The following FRYL variants were observed in gnomAD, a reference collection of about 807,000 sequenced individuals.
The protein encoded by FRYL is FRY like transcription coactivator, also known as protein furry homolog-like.
FRYL carries 150 observed loss-of-function variants against 351.2 expected under a neutral mutation model. That is an observed-to-expected ratio of 0.43 (90% CI 0.37 to 0.49). FRYL has a LOEUF of 0.49. Among genes scored for constraint, FRYL ranks in the 20% least tolerant of loss-of-function variants. FRYL has a pLI of 0.00. For synonymous variants in FRYL, 1,153 were observed against 1,257.1 expected (o/e 0.92, Z 1.75); for missense variants, 3,036 against 3,619.3 (o/e 0.84, Z 4.13).
At chr4:48,603,456 A>G (rs1746093614) in intron 11 of FRYL, 68 bp from the exon 12 acceptor site, 2 of 1,032,236 alleles carry the variant, frequency 1.9e-6, no homozygotes, top group Non-Finnish European at 3.0e-6. Context: ...AAAGAATACA[A>G]GAACTTTCTG....
intron 26 of FRYL, among the ~76,000 whole-genome samples, chr4:48,572,928 C>A (rs544355379): frequency 2.2e-4 from 34 of 152,212 alleles, no homozygotes; most frequent in African/African-American, 8.2e-4. Flanking sequence ...AAAATATTTA[C>A]CATCCGGTCC....
rs1487713159 is a variant in FRYL, at chr4:48,521,075, T to A, written c.7662A>T (p.Leu2554=). The change falls in exon 55 of 64, where the codon CTA becomes CTT. Residue 2554 remains leucine, a synonymous_variant. Coordinates refer to ENST00000358350, the MANE Select transcript of FRYL (RefSeq NM_015030.2). ...RDETPTLEAS[L]DNANSRLPED... ...CAGGCAGCCGGCTGTTAGCATTATC[T>A]AGAGAAGCCTCCAAAGTTGGGGTCT... 1 of 1,613,218 alleles carries A rather than the reference T, an allele frequency of 6.2e-7. No individual in the cohort carries two copies. The highest frequency in any genetic ancestry group is 8.5e-7 in the Non-Finnish European group (1 of 1,179,574).
chr4:48,657,098 C>G (rs1759378594), intron 3 of FRYL, among the ~76,000 whole-genome samples: 1 of 152,138 alleles, frequency 6.6e-6, no homozygotes, highest in South Asian at 2.1e-4. Context: ...ATGCATGCAA[C>G]CAAACCTTTT....
chr4:48,544,828 T>C lies in FRYL; in HGVS notation c.5356A>G (p.Thr1786Ala), dbSNP rs1228783824. 1 of 1,608,326 alleles carries C rather than the reference T, an allele frequency of 6.2e-7. No individual in the cohort carries two copies. The change falls in exon 43 of 64, where the codon ACA becomes GCA. Residue 1786 changes from threonine (T) to alanine (A), a missense_variant. By Grantham distance (58) the Thr-to-Ala change is moderately conservative (BLOSUM62 0). This residue lies in a region of FRYL where 1,987 missense variants were observed against 2,311.7 expected (regional missense o/e 0.86). Coordinates refer to ENST00000358350, the MANE Select transcript of FRYL (RefSeq NM_015030.2). ...ACAGAAACCACATGTTTCAAAAATG[T>C]AGTTAACTGTTCAGCACTCTTTATG... ...PSIKSAEQLT[T>A]FLKHVVSVFK...
rs527821414 is a variant in FRYL, at chr4:48,726,080, A to G, written c.-383-15382T>C. Among the ~76,000 whole-genome samples the G allele has an allele frequency of 6.6e-5, 10 of 152,274 alleles. No homozygotes were observed. In the South Asian group the frequency reaches 1.9e-3, roughly 28 times the overall value. ...ATAATGACCTTGAAATTCTTAACAA[A>G]GATGTGAAAGGCAAAACTACTTGCT... On this transcript the variant is annotated intron_variant, in intron 1 of 63. Coordinates refer to ENST00000358350, the MANE Select transcript of FRYL (RefSeq NM_015030.2).
intron 3 of FRYL, among the ~76,000 whole-genome samples, chr4:48,652,672 A>G (rs1370365837): frequency 6.6e-6 from 1 of 152,230 alleles, no homozygotes; most frequent in Non-Finnish European, 1.5e-5. Context: ...ATAAGACTTT[A>G]TCTTAAGAGG....
At chr4:48,577,050 TA>T (rs1374544669) in intron 23 of FRYL, among the ~76,000 whole-genome samples, 1 of 152,188 alleles carries the variant, frequency 6.6e-6, no homozygotes, top group Non-Finnish European at 1.5e-5. Context: ...TAAAGTATCA[TA>T]TTTTATATAA....
intron 3 of FRYL, among the ~76,000 whole-genome samples, chr4:48,677,311 C>T (rs1257218739): frequency 6.6e-6 from 1 of 152,070 alleles, no homozygotes; most frequent in Non-Finnish European, 1.5e-5. Context: ...CTAAGCTAGA[C>T]TTATTCTCGG....
intron 3 of FRYL, among the ~76,000 whole-genome samples, chr4:48,641,326 A>G (rs1755270175): frequency 1.3e-5 from 2 of 152,140 alleles, no homozygotes; most frequent in Admixed American, 1.3e-4. Flanking sequence ...TGTTAGTGAA[A>G]AGCATACCAG....
At chr4:48,762,579 T>C (rs570741261) in intron 1 of FRYL, among the ~76,000 whole-genome samples, 1 of 152,350 alleles carries the variant, frequency 6.6e-6, no homozygotes, top group African/African-American at 2.4e-5. Context: ...GCAAATGTCT[T>C]TGATGTAACT....
chr4:48,627,517 T>C (rs910326374), intron 4 of FRYL, among the ~76,000 whole-genome samples: 3 of 152,190 alleles, frequency 2.0e-5, no homozygotes, highest in African/African-American at 7.2e-5. Context: ...TCTGAAGATT[T>C]GACATCCTCA....
At chr4:48,509,994 T>TG (rs1171713946) in intron 59 of FRYL, 65 bp downstream of exon 59, 1 of 1,055,992 alleles carries the variant, frequency 9.5e-7, no homozygotes, top group Non-Finnish European at 1.5e-6. Context: ...GCTATTCTGC[T>TG]GCCAGGATTA....
At chr4:48,689,054 C>T (rs1560863194) in intron 2 of FRYL, among the ~76,000 whole-genome samples, 2 of 152,126 alleles carry the variant, frequency 1.3e-5, no homozygotes, top group Admixed American at 6.5e-5. Flanking sequence ...ACATGACCTG[C>T]TAAAAATGCT....
chr4:48,546,637 T>C (rs1304067819), intron 41 of FRYL: 1 of 203,060 alleles, frequency 4.9e-6, no homozygotes, highest in Non-Finnish European at 1.0e-5. Flanking sequence ...ATAGAAAATT[T>C]TCTATAATTT....
At chr4:48,699,345 A>G (rs1342966333) in intron 2 of FRYL, among the ~76,000 whole-genome samples, 1 of 152,234 alleles carries the variant, frequency 6.6e-6, no homozygotes, top group African/African-American at 2.4e-5. Context: ...TTTCATGAAA[A>G]CATAAGAGTT....
rs186604006 is a variant in FRYL, at chr4:48,649,492, T to A, written c.-80-15002A>T. ...AAATTAATATGCTTACAAGAGGTAT[T>A]ATATGGACAGCAAATGCATCTGTGA... On this transcript the variant is annotated intron_variant, in intron 3 of 63. Transcript: ENST00000358350. 3.5e-4 allele frequency among the ~76,000 whole-genome samples: 53 copies of A among 152,344 alleles called. No homozygotes were observed. In the East Asian group the frequency reaches 9.6e-3, roughly 28 times the overall value.
chr4:48,605,797 C>T lies in FRYL; in HGVS notation c.778G>A (p.Asp260Asn). 6.2e-7 allele frequency: 1 copy of T among 1,606,862 alleles called. No individual in the cohort carries two copies. Among genetic ancestry groups the T allele is most frequent in the Non-Finnish European group, 8.5e-7 (1 of 1,174,180 alleles). ...AQYFLEVKDKDIKHALAGLFV... is the reference protein window; with the variant it reads ...AQYFLEVKDKNIKHALAGLFV... ...AAACCAGCAAGTGCATGTTTTATAT[C>T]TTTATCTTTCACTTCTAAGAAATAC... The change falls in exon 11 of 64, where the codon GAT becomes AAT. Residue 260 changes from aspartate to asparagine, a missense_variant. This residue lies in a region of FRYL where 457 missense variants were observed against 566.6 expected (regional missense o/e 0.81). Coordinates refer to ENST00000358350, the MANE Select transcript of FRYL (RefSeq NM_015030.2).
At chr4:48,556,770 C>T (rs748271459) in intron 35 of FRYL, among the ~76,000 whole-genome samples, 4 of 151,744 alleles carry the variant, frequency 2.6e-5, no homozygotes, top group Admixed American at 1.3e-4. Context: ...GATTGTAATA[C>T]CCAGAAGAGC....
chr4:48,553,352 T>G lies in FRYL; in HGVS notation c.4298A>C (p.Asp1433Ala). 6.2e-7 allele frequency: 1 copy of G among 1,612,862 alleles called. No individual in the cohort carries two copies. The highest frequency in any genetic ancestry group is 1.8e-4 in the Middle Eastern group (1 of 5,578). ...VKKVIVYLGR[D>A]KTMQLLEELV... ...CTCTTCTAGCAACTGCATTGTTTTA[T>G]CTCTACCTAAATATACAATGACCTT... The change falls in exon 36 of 64, where the codon GAT (aspartate) becomes GCT (alanine). Residue 1433 changes from aspartate to alanine, a missense_variant. Asp to Ala is a moderately radical substitution (Grantham distance 126). Around this residue, in one of 7 missense-constraint regions of FRYL, gnomAD observed 1,987 missense variants for 2,311.7 expected, o/e 0.86. Transcript: ENST00000358350.
Sources: gnomAD v4.1 joint callset for allele counts (sites outside exome capture counted in the v4.1 genomes callset) on GRCh38, gnomAD v4.1.1 for gene constraint, gnomAD v4.1.1 regional missense constraint, MANE v1.5 for transcripts, NCBI Gene and HGNC (gene_info 2026-07-23, HGNC 2026-07-21) for gene names.